The following DNAH6 variants were observed in gnomAD, a reference collection of about 807,000 sequenced individuals.
The protein encoded by DNAH6 is axonemal beta dynein heavy chain 6.
DNAH6 carries 340 observed loss-of-function variants against 491.4 expected under a neutral mutation model. That is an observed-to-expected ratio of 0.69 (90% CI 0.63 to 0.76). The LOEUF (loss-of-function observed/expected upper bound fraction) is 0.76. DNAH6 is among the 30% of genes least tolerant of loss of function. The pLI is 0.00. For missense variants in DNAH6, 4,443 were observed against 4,972.2 expected, an observed-to-expected ratio of 0.89 and a Z score of 3.20; for synonymous variants, 1,603 against 1,686.1, an observed-to-expected ratio of 0.95 and a Z score of 1.21.
chr2:84,628,329 A>G (rs11685476), intron 29 of DNAH6, among the ~76,000 whole-genome samples: 10,143 of 152,136 alleles, frequency 0.067, 377 homozygotes, highest in Middle Eastern at 0.15. Flanking sequence ...TCATGTGTGG[A>G]TGTTCCCCAG....
chr2:84,670,585 T>C lies in DNAH6; in HGVS notation c.6454+110T>C, dbSNP rs138872568. 1.7e-4 allele frequency: 140 copies of C among 830,514 alleles called. 1 individual carries two copies. The African/African-American group carries it at 2.1e-3, about 13-fold the overall frequency. The allele number at this position is 830,514 out of a possible 1,614,324, so 51.4% of individuals were successfully genotyped here. Reference sequence around the variant, plus strand: ...AGTTGGATATTTTATTTGCTTAATTTACTTGTAAAGGTGATTCTGTTCATG... The same window carrying C: ...AGTTGGATATTTTATTTGCTTAATTCACTTGTAAAGGTGATTCTGTTCATG... On this transcript the variant is annotated intron_variant, in intron 39 of 76. Coordinates refer to ENST00000389394, the MANE Select transcript of DNAH6 (RefSeq NM_001370.2).
intron 70 of DNAH6, among the ~76,000 whole-genome samples, chr2:84,801,962 G>GCCTT (rs1368550670): frequency 2.6e-5 from 4 of 151,442 alleles, no homozygotes; most frequent in Non-Finnish European, 5.9e-5. Flanking sequence ...GCCAAACTAA[G>GCCTT]CCTTATAAAC....
At chr2:84,601,035 T>A (rs1482302506) in intron 18 of DNAH6, among the ~76,000 whole-genome samples, 14 of 146,890 alleles carry the variant, frequency 9.5e-5, no homozygotes, top group African/African-American at 3.0e-4. Context: ...ATGTTATTAT[T>A]ATACTATAAT....
intron 29 of DNAH6, among the ~76,000 whole-genome samples, chr2:84,626,194 A>G (rs1687838981): frequency 6.6e-6 from 1 of 152,064 alleles, no homozygotes; most frequent in Non-Finnish European, 1.5e-5. Flanking sequence ...GTAAAAACAT[A>G]CATTTGTTTC....
At chr2:84,481,319 T>G in the DNAH6 span, among the ~76,000 whole-genome samples, 6 of 151,874 alleles carry the variant, frequency 4.0e-5, no homozygotes, top group Admixed American at 3.9e-4. Context: ...TGAGATGATA[T>G]CCATCCTTTA....
intron 32 of DNAH6, 98 bp downstream of exon 32, chr2:84,640,676 A>G (rs1450234333): frequency 5.8e-6 from 7 of 1,197,554 alleles, no homozygotes; most frequent in Non-Finnish European, 8.1e-6. Flanking sequence ...TAACTGATTA[A>G]TAAATGTTGG....
chr2:84,584,822 T>G (rs1244165657), intron 15 of DNAH6: 1 of 152,140 alleles, frequency 6.6e-6, no homozygotes. Flanking sequence ...ATAACAAACC[T>G]GCACATGTAT....
intron 29 of DNAH6, among the ~76,000 whole-genome samples, chr2:84,633,988 C>G (rs1416057877): frequency 6.6e-6 from 1 of 152,190 alleles, no homozygotes; most frequent in East Asian, 1.9e-4. Flanking sequence ...AAATGCCACA[C>G]TTTAGATGGT....
At chr2:84,677,411 G>GCC (rs1329736986) in intron 41 of DNAH6, among the ~76,000 whole-genome samples, 5 of 152,118 alleles carry the variant, frequency 3.3e-5, no homozygotes, top group Admixed American at 6.5e-5. Flanking sequence ...TTAGGTCCCT[G>GCC]CCACTTAGCA....
chr2:84,596,043 G>A (rs1684544318), intron 18 of DNAH6, among the ~76,000 whole-genome samples: 1 of 152,162 alleles, frequency 6.6e-6, no homozygotes, highest in African/African-American at 2.4e-5. Context: ...AATAGTGCAG[G>A]AATAGGTTGT....
intron 30 of DNAH6, among the ~76,000 whole-genome samples, chr2:84,634,963 G>A (rs903922404): frequency 1.3e-5 from 2 of 152,200 alleles, no homozygotes; most frequent in Non-Finnish European, 2.9e-5. Context: ...GACCTTTGGA[G>A]ATCTGGTCAC....
chr2:84,711,346 T>C (rs1453927471), intron 56 of DNAH6, among the ~76,000 whole-genome samples: 2 of 152,136 alleles, frequency 1.3e-5, no homozygotes, highest in African/African-American at 4.8e-5. Flanking sequence ...TTCCTATAAG[T>C]AATAAAAGAA....
intron 56 of DNAH6, among the ~76,000 whole-genome samples, chr2:84,711,819 CAGG>C (rs2104878064): frequency 6.6e-6 from 1 of 152,364 alleles, no homozygotes; most frequent in African/African-American, 2.4e-5. Context: ...ATCCCAGTCA[CAGG>C]AGAGAGTGAA....
chr2:84,469,145 T>C, the DNAH6 span, among the ~76,000 whole-genome samples: 1 of 152,264 alleles, frequency 6.6e-6, no homozygotes, highest in South Asian at 2.1e-4. The surrounding 1 kb of genome is among the most constrained non-coding windows in gnomAD (Gnocchi z 4.0). Flanking sequence ...ACAGAGGAGA[T>C]AAACACTGAT....
intron 68 of DNAH6, among the ~76,000 whole-genome samples, chr2:84,791,368 A>G (rs1311011691): frequency 3.9e-5 from 6 of 152,076 alleles, no homozygotes; most frequent in Admixed American, 3.9e-4. Context: ...TAAAGTACTG[A>G]TACATACAAC....
At chr2:84,563,953 ATCT>A (rs1044906196) in intron 11 of DNAH6, among the ~76,000 whole-genome samples, 1 of 152,114 alleles carries the variant, frequency 6.6e-6, no homozygotes, top group African/African-American at 2.4e-5. Flanking sequence ...TGAATAGGGA[ATCT>A]TTTCCCCATT....
Position 84,528,890 on chromosome 2 carries a change from TTGGCTTTG to T in DNAH6, c.400-12_400-5del. ...AAGACTCATTTTTTTTTTTCAAAAA[TTGGCTTTG>T]TTTAGATTCATCGGCCCTATGTTGA... On this transcript the variant is annotated splice_region_variant and splice_polypyrimidine_tract_variant and intron_variant, in intron 3 of 76. Coordinates refer to ENST00000389394, the MANE Select transcript of DNAH6 (RefSeq NM_001370.2). 1 of 1,506,726 alleles carries T rather than the reference TTGGCTTTG, an allele frequency of 6.6e-7. No individual in the cohort carries two copies. The highest frequency in any genetic ancestry group is 1.3e-5 in the South Asian group (1 of 77,140). The allele number at this position is 1,506,726 out of a possible 1,614,324, so 93.3% of individuals were successfully genotyped here. A position where few individuals can be genotyped will look rare whatever the true frequency, so the allele number is the denominator to read the frequency against.
chr2:84,663,087 C>T (rs998693667), intron 37 of DNAH6, among the ~76,000 whole-genome samples: 7 of 152,152 alleles, frequency 4.6e-5, no homozygotes, highest in South Asian at 4.1e-4. Context: ...CCCATCTGTA[C>T]GACACCATCA....
intron 2 of DNAH6, among the ~76,000 whole-genome samples, chr2:84,524,057 C>A (rs1676383961): frequency 6.6e-6 from 1 of 151,984 alleles, no homozygotes; most frequent in African/African-American, 2.4e-5. Context: ...GTTGAAGTCT[C>A]CAACTATTGT....
Sources: gnomAD v4.1 joint callset for allele counts (sites outside exome capture counted in the v4.1 genomes callset) on GRCh38, gnomAD v4.1.1 for gene constraint, Gnocchi (gnomAD v3.1) non-coding constraint, MANE v1.5 for transcripts, NCBI Gene and HGNC (gene_info 2026-07-23, HGNC 2026-07-21) for gene names.